Variants in CERKL observed in about 807,000 individuals in gnomAD.
CERKL encodes ceramide kinase-like protein.
Under a neutral mutation model 63.4 loss-of-function variants are expected in CERKL, and 61 were observed. That is an observed-to-expected ratio of 0.96 (90% CI 0.78 to 1.19). The LOEUF is 1.19. Among genes scored for constraint, CERKL ranks in the 50% most tolerant of loss-of-function variants. The probability of loss-of-function intolerance (pLI) is 0.00; values close to 1 mark genes in which losing one functional copy is unlikely to be tolerated. For synonymous variants in CERKL, 250 were observed against 230.5 expected (o/e 1.08, Z -0.77); for missense variants, 675 against 655.5 (o/e 1.03, Z -0.33).
chr2:181,540,736 C>T (rs1297373243), intron 11 of CERKL, among the ~76,000 whole-genome samples: 4 of 152,086 alleles, frequency 2.6e-5, no homozygotes, highest in Non-Finnish European at 4.4e-5. Flanking sequence ...GTGGGACTTT[C>T]GGGAGCCAAG....
At chr2:181,576,812 T>C (rs1315661330) in intron 2 of CERKL, among the ~76,000 whole-genome samples, 1 of 152,214 alleles carries the variant, frequency 6.6e-6, no homozygotes, top group East Asian at 1.9e-4. Flanking sequence ...GTTGACTCTT[T>C]GGATATAGTA....
chr2:181,538,991 A>G (rs775591661), intron 12 of CERKL, 101 bp downstream of exon 12: 11 of 899,342 alleles, frequency 1.2e-5, no homozygotes, highest in Non-Finnish European at 2.0e-5. Flanking sequence ...TTTAAAAACT[A>G]ACCAACTGCC....
chr2:181,619,695 A>T (rs1212295492), intron 1 of CERKL, among the ~76,000 whole-genome samples: 1 of 152,124 alleles, frequency 6.6e-6, no homozygotes, highest in Non-Finnish European at 1.5e-5. Context: ...AGTCTTTTCA[A>T]ATATTAACCA....
At chr2:181,604,758 A>G (rs567245447) in intron 1 of CERKL, among the ~76,000 whole-genome samples, 2 of 152,336 alleles carry the variant, frequency 1.3e-5, no homozygotes, top group South Asian at 4.1e-4. Flanking sequence ...TTAAAGTAAC[A>G]CATGCAAAGA....
At position 181,656,625 on chromosome 2, in the gene CERKL, A is replaced by G. The variant is rs1050821754; in HGVS notation, c.238+144T>C. ...GGAGGCGGCGACTTGGGGACTCGGT[A>G]ACCTGTCCGGGCAGTGAGGCGAGCA... On this transcript the variant is annotated intron_variant, in intron 1 of 12. Coordinates refer to ENST00000410087, the MANE Select transcript of CERKL (RefSeq NM_201548.5). 40 of 699,080 alleles carry G rather than the reference A, an allele frequency of 5.7e-5. No individual in the cohort carries two copies. The African/African-American group carries it at 7.3e-4, about 13-fold the overall frequency. 43.3% of individuals were successfully genotyped at this position (699,080 alleles called of 1,614,324 possible). A position where few individuals can be genotyped will look rare whatever the true frequency, so the allele number is the denominator to read the frequency against.
At chr2:181,621,050 G>C (rs927136393) in intron 1 of CERKL, among the ~76,000 whole-genome samples, 1 of 152,046 alleles carries the variant, frequency 6.6e-6, no homozygotes, top group Non-Finnish European at 1.5e-5. Flanking sequence ...CTAGGCAAAT[G>C]GGGGATATGA....
intron 1 of CERKL, among the ~76,000 whole-genome samples, chr2:181,611,907 A>C (rs1312952254): frequency 6.6e-6 from 1 of 152,218 alleles, no homozygotes; most frequent in East Asian, 1.9e-4. Flanking sequence ...TCGATTGAAA[A>C]AAAGATTGTT....
At chr2:181,581,892 T>C (rs1410222139) in intron 2 of CERKL, among the ~76,000 whole-genome samples, 1 of 152,238 alleles carries the variant, frequency 6.6e-6, no homozygotes, top group Non-Finnish European at 1.5e-5. Context: ...ATTTTAAGTG[T>C]CCACTGCATA....
chr2:181,644,824 T>A (rs1224091251), intron 1 of CERKL, among the ~76,000 whole-genome samples: 2 of 151,774 alleles, frequency 1.3e-5, no homozygotes, highest in Non-Finnish European at 2.9e-5. Flanking sequence ...ATCATTCAAA[T>A]AAAAAAAAGC....
At chr2:181,547,040 T>C (rs1364527333) in intron 10 of CERKL, among the ~76,000 whole-genome samples, 1 of 152,092 alleles carries the variant, frequency 6.6e-6, no homozygotes, top group Non-Finnish European at 1.5e-5. Flanking sequence ...GTTTTAAAAA[T>C]AGGAGTTTCC....
intron 4 of CERKL, among the ~76,000 whole-genome samples, chr2:181,562,813 T>G (rs961652235): frequency 6.6e-6 from 1 of 152,168 alleles, no homozygotes; most frequent in Admixed American, 6.5e-5. Context: ...GTAGTTTTGA[T>G]TCACAGTTTT....
chr2:181,612,249 A>T (rs752336820), intron 1 of CERKL, among the ~76,000 whole-genome samples: 5 of 152,170 alleles, frequency 3.3e-5, no homozygotes, highest in African/African-American at 4.8e-5. Flanking sequence ...ACAATCACTA[A>T]CCCTGTCATC....
chr2:181,604,840 T>C (rs1279666311), intron 1 of CERKL, among the ~76,000 whole-genome samples: 5 of 149,572 alleles, frequency 3.3e-5, no homozygotes, highest in African/African-American at 1.3e-4. Context: ...AATAGCCCCC[T>C]GAATTTAACC....
chr2:181,625,411 T>G (rs1250919218), intron 1 of CERKL, among the ~76,000 whole-genome samples: 1 of 151,834 alleles, frequency 6.6e-6, no homozygotes, highest in Non-Finnish European at 1.5e-5. Flanking sequence ...CAAAGATTAG[T>G]TCAGTTAATC....
At chr2:181,607,872 T>C (rs1364145465) in intron 1 of CERKL, among the ~76,000 whole-genome samples, 1 of 152,214 alleles carries the variant, frequency 6.6e-6, no homozygotes, top group African/African-American at 2.4e-5. Context: ...TTCACATAGG[T>C]GAATGCATAT....
chr2:181,635,978 G>T (rs1211335427), intron 1 of CERKL, among the ~76,000 whole-genome samples: 1 of 152,096 alleles, frequency 6.6e-6, no homozygotes, highest in Non-Finnish European at 1.5e-5. Context: ...TTATTTTTAA[G>T]TAGCCTCTAC....
intron 11 of CERKL, among the ~76,000 whole-genome samples, chr2:181,541,475 G>A (rs189872444): frequency 9.1e-4 from 138 of 152,334 alleles, no homozygotes; most frequent in African/African-American, 3.0e-3. Context: ...GTAATAAGAG[G>A]TGGGGTTGCA....
chr2:181,564,811 A>T (rs1688592856), intron 4 of CERKL, among the ~76,000 whole-genome samples: 1 of 152,206 alleles, frequency 6.6e-6, no homozygotes, highest in African/African-American at 2.4e-5. Context: ...TCAAATAGGT[A>T]GTTGGTATGC....
At chr2:181,585,528 A>T (rs1684724154) in intron 2 of CERKL, among the ~76,000 whole-genome samples, 2 of 152,166 alleles carry the variant, frequency 1.3e-5, no homozygotes, top group Non-Finnish European at 2.9e-5. Flanking sequence ...CAGAGTTATC[A>T]AAGTTAAGTT....
Sources: allele counts gnomAD v4.1 joint callset (sites outside exome capture counted in the v4.1 genomes callset), GRCh38; gene constraint gnomAD v4.1.1; transcripts MANE v1.5; gene names NCBI Gene and HGNC (gene_info 2026-07-23, HGNC 2026-07-21).